The following DNAH17 variants were observed in gnomAD, a reference collection of about 807,000 sequenced individuals.
The protein encoded by DNAH17 is dynein axonemal heavy chain 17.
In DNAH17, 376 loss-of-function variants were observed where a neutral mutation model predicts 485.6. That is an observed-to-expected ratio of 0.77 (90% CI 0.71 to 0.84). The LOEUF is 0.84. Ranked by LOEUF, DNAH17 falls within the 40% of genes least tolerant of loss-of-function variation. The probability of loss-of-function intolerance (pLI) is 0.00; values close to 1 mark genes in which losing one functional copy is unlikely to be tolerated. For missense variants in DNAH17, 6,370 were observed against 5,839.3 expected (o/e 1.09, Z -2.96); for synonymous variants, 3,031 against 2,405.9 (o/e 1.26, Z -7.60).
Position 78,454,657 on chromosome 17 carries a change from C to T in DNAH17, c.10219G>A (p.Asp3407Asn), listed in dbSNP as rs2087711170. ...TTCCAGGTGGCCACGTCCGCGTCATCTGTCAGCAGGCTCAAGGGATCCAGG... is the reference window on the plus strand; with the variant it reads ...TTCCAGGTGGCCACGTCCGCGTCATTTGTCAGCAGGCTCAAGGGATCCAGG... ...NGLDPLSLLT[D>N]DADVATWNNQ... Residue 3407 changes from aspartate to asparagine, a missense_variant, in exon 64 of 81, where the codon GAT becomes AAT. By Grantham distance (23) the Asp-to-Asn change is conservative (BLOSUM62 1). Coordinates refer to ENST00000389840, the MANE Select transcript of DNAH17 (RefSeq NM_173628.4). 1 of 1,613,210 alleles carries T rather than the reference C, an allele frequency of 6.2e-7. No homozygotes were observed. The highest frequency in any genetic ancestry group is 2.2e-5 in the East Asian group (1 of 44,882).
At chr17:78,429,908 T>TG (rs901288437) in intron 75 of DNAH17, among the ~76,000 whole-genome samples, 7 of 152,118 alleles carry the variant, frequency 4.6e-5, no homozygotes, top group African/African-American at 1.7e-4. Flanking sequence ...CCAGGGTCTT[T>TG]GCAGTCACAT....
chr17:78,541,268 T>A, intron 17 of DNAH17, among the ~76,000 whole-genome samples: 1 of 10,344 alleles, frequency 9.7e-5, no homozygotes, highest in Non-Finnish European at 1.6e-4. Context: ...GGTGGGGGGG[T>A]GGGGGGTAAG....
At chr17:78,536,386 G>A (rs990206130) in intron 19 of DNAH17, among the ~76,000 whole-genome samples, 4 of 152,150 alleles carry the variant, frequency 2.6e-5, no homozygotes, top group South Asian at 2.1e-4. Context: ...GGAGGCGGAG[G>A]TTGCAGTCAG....
chr17:78,437,598 GTGGCA>G, intron 74 of DNAH17, 38 bp downstream of exon 74: 1 of 1,503,948 alleles, frequency 6.6e-7, no homozygotes, highest in Non-Finnish European at 9.0e-7. Flanking sequence ...ATGCCAGGCC[GTGGCA>G]TGGGATGGGG....
chr17:78,534,013 T>TAA (rs1056419715), intron 19 of DNAH17, among the ~76,000 whole-genome samples: 2 of 151,966 alleles, frequency 1.3e-5, no homozygotes, highest in Non-Finnish European at 2.9e-5. Context: ...AAAAATAAAA[T>TAA]AAAAAAACCT....
intron 54 of DNAH17, among the ~76,000 whole-genome samples, chr17:78,474,429 G>A (rs186100319): frequency 1.2e-3 from 186 of 152,376 alleles, no homozygotes; most frequent in Middle Eastern, 3.4e-3. Flanking sequence ...TCAGCAGTGT[G>A]TGTTGGGCAT....
At chr17:78,464,695 C>A (rs924407874) in intron 56 of DNAH17, among the ~76,000 whole-genome samples, 1 of 152,210 alleles carries the variant, frequency 6.6e-6, no homozygotes, top group East Asian at 1.9e-4. Context: ...GCCAAGTGCT[C>A]GAGGCAAGGC....
intron 41 of DNAH17, 45 bp downstream of exon 41, chr17:78,493,991 C>A (rs758861538): frequency 6.3e-7 from 1 of 1,584,048 alleles, no homozygotes; most frequent in Non-Finnish European, 8.6e-7. Flanking sequence ...CAGCCCTCCC[C>A]CACCATGCCG....
Position 78,480,798 on chromosome 17 carries a change from A to G in DNAH17, c.7650-12T>C, listed in dbSNP as rs751634810. ...TATGTCTGTCATACCTGAGGGGGGA[A>G]ACCAGCATTCATGTTGTGCCCCTGG... On this transcript the variant is annotated splice_polypyrimidine_tract_variant and intron_variant, in intron 48 of 80. Transcript: ENST00000389840. The G allele has an allele frequency of 6.2e-7, 1 of 1,601,854 alleles. No homozygotes were observed. The highest frequency in any genetic ancestry group is 2.2e-5 in the East Asian group (1 of 44,708).
chr17:78,481,345 C>T (rs549747790), intron 48 of DNAH17, among the ~76,000 whole-genome samples: 23 of 152,168 alleles, frequency 1.5e-4, no homozygotes, highest in South Asian at 8.3e-4. Flanking sequence ...CCTTGTGATC[C>T]GCCCGCCTCA....
rs1409209314 is a variant in DNAH17 at position 78,485,999 on chromosome 17, T to G, written c.7236A>C (p.Lys2412Asn). 1 of 1,613,664 alleles carries G rather than the reference T, an allele frequency of 6.2e-7. No homozygotes were observed. Among genetic ancestry groups the G allele is most frequent in the African/African-American group, 1.3e-5 (1 of 74,902 alleles). The change falls in exon 46 of 81, where the codon AAA becomes AAC. Residue 2412 changes from lysine (K) to asparagine (N), a missense_variant. Coordinates refer to ENST00000389840, the MANE Select transcript of DNAH17 (RefSeq NM_173628.4). ...CGGGATCCAGCTCAAAGGAGGGCAC[T>G]TTATCTGTCCAGGGCAGGAACTTTT... ...DTKKFLPWTD[K>N]VPSFELDPDV... is the part of the protein sequence containing the mutation.
Position 78,560,731 on chromosome 17 carries a change from G to A in DNAH17, c.2031+9C>T. 3 of 1,545,840 alleles carry A rather than the reference G, an allele frequency of 1.9e-6. No homozygotes were observed. The highest frequency in any genetic ancestry group is 1.8e-4 in the Middle Eastern group (1 of 5,454). On this transcript the variant is annotated intron_variant, in intron 13 of 80. Coordinates refer to ENST00000389840, the MANE Select transcript of DNAH17 (RefSeq NM_173628.4). ...AGCCTTTGACGCGGTCCCCACTCCT[G>A]GCACCCACCGCTTTGCTGAAGTTGA...
At chr17:78,462,750 G>T in intron 57 of DNAH17, 94 bp downstream of exon 57, 1 of 1,267,254 alleles carries the variant, frequency 7.9e-7, no homozygotes, top group Non-Finnish European at 1.1e-6. Flanking sequence ...CTGAGCCCCA[G>T]TGTGACCAGC....
chr17:78,425,994 T>G (rs1051214168), intron 79 of DNAH17, among the ~76,000 whole-genome samples: 1 of 152,108 alleles, frequency 6.6e-6, no homozygotes, highest in African/African-American at 2.4e-5. Flanking sequence ...AACTCCTGGC[T>G]TCAAGTGATC....
intron 49 of DNAH17, 105 bp from the exon 50 acceptor site, chr17:78,479,737 T>C (rs2089266258): frequency 6.7e-7 from 1 of 1,495,756 alleles, no homozygotes; most frequent in East Asian, 2.3e-5. Context: ...TGTTCTAAGG[T>C]CTTTTGGGCA....
chr17:78,524,702 C>A (rs1261170211), intron 25 of DNAH17, among the ~76,000 whole-genome samples: 1 of 150,372 alleles, frequency 6.7e-6, no homozygotes. Flanking sequence ...AAAAAAATTT[C>A]TTTAAAAAAG....
chr17:78,558,342 G>C, intron 13 of DNAH17, 88 bp from the exon 14 acceptor site: 2 of 1,489,378 alleles, frequency 1.3e-6, no homozygotes, highest in Non-Finnish European at 1.8e-6. Context: ...ATCTGCCCTG[G>C]GATGTTTTGA....
rs1329381808 is a variant in DNAH17, at chr17:78,532,814, G to C, written c.2860-78C>G. 5 of 1,438,232 alleles carry C rather than the reference G, an allele frequency of 3.5e-6. No homozygotes were observed. In the Admixed American group the frequency reaches 7.3e-5, roughly 21 times the overall value. 89.1% of individuals were successfully genotyped at this position (1,438,232 alleles called of 1,614,324 possible). ...ATTTAGGTGTTGTCCTCTCGGCCTT[G>C]AGAAGTGGTTCTCTGTTGGCGAAAG... is the stretch of plus-strand genomic sequence containing the variant. On this transcript the variant is annotated intron_variant, in intron 19 of 80. Coordinates refer to ENST00000389840, the MANE Select transcript of DNAH17 (RefSeq NM_173628.4).
intron 41 of DNAH17, 93 bp from the exon 42 acceptor site, chr17:78,492,858 T>C (rs1202486077): frequency 9.1e-7 from 1 of 1,102,738 alleles, no homozygotes; most frequent in Non-Finnish European, 1.2e-6. Context: ...CTGGATGGTT[T>C]TTTTTTTTTT....
Sources: gnomAD v4.1 joint callset for allele counts (sites outside exome capture counted in the v4.1 genomes callset) on GRCh38, gnomAD v4.1.1 for gene constraint, MANE v1.5 for transcripts, NCBI Gene and HGNC (gene_info 2026-07-23, HGNC 2026-07-21) for gene names.